ATP13A5: variants seen among roughly 807,000 people sequenced by gnomAD.
The protein encoded by ATP13A5 is ATPase 13A5.
In ATP13A5, 149 loss-of-function variants were observed where a neutral mutation model predicts 150.2. The observed-to-expected ratio is 0.99, with a 90% confidence interval of 0.87 to 1.14. ATP13A5 has a LOEUF of 1.14. Ranked by LOEUF, ATP13A5 falls within the 50% of genes most tolerant of loss-of-function variation. The pLI, the probability that ATP13A5 is intolerant of heterozygous loss-of-function variation, is 0.00. For synonymous variants in ATP13A5, 497 were observed against 522.2 expected, an observed-to-expected ratio of 0.95 and a Z score of 0.66; for missense variants, 1,383 against 1,449.3, an observed-to-expected ratio of 0.95 and a Z score of 0.74.
intron 28 of ATP13A5, among the ~76,000 whole-genome samples, chr3:193,278,410 A>G (rs1717323844): frequency 6.6e-6 from 1 of 152,008 alleles, no homozygotes; most frequent in Admixed American, 6.5e-5. Flanking sequence ...CCATCCATCC[A>G]TGCCTGCCTT....
chr3:193,300,182 C>T (rs1392686506), intron 24 of ATP13A5, among the ~76,000 whole-genome samples: 1 of 152,142 alleles, frequency 6.6e-6, no homozygotes, highest in Non-Finnish European at 1.5e-5. Context: ...TTTCTCATAT[C>T]CTTTCCTCTT....
chr3:193,294,521 T>C lies in ATP13A5; in HGVS notation c.2849-4462A>G, dbSNP rs374435686. Among the ~76,000 whole-genome samples the C allele has an allele frequency of 4.6e-5, 7 of 152,128 alleles. No individual in the cohort carries two copies. In the East Asian group the frequency reaches 7.7e-4, roughly 17 times the overall value. On this transcript the variant is annotated intron_variant, in intron 25 of 29. Coordinates refer to ENST00000342358, the MANE Select transcript of ATP13A5 (RefSeq NM_198505.4). Reference sequence around the variant, plus strand: ...TTTAGATTTTCTCTGTAATGTATTATATTTTGTCTCTGTACATTGCCTTAA... The same window carrying C: ...TTTAGATTTTCTCTGTAATGTATTACATTTTGTCTCTGTACATTGCCTTAA...
chr3:193,351,011 GCTTTACTT>G (rs1157586774), intron 7 of ATP13A5, 48 bp downstream of exon 7: 14 of 1,591,030 alleles, frequency 8.8e-6, no homozygotes, highest in Non-Finnish European at 1.2e-5. Flanking sequence ...AATACCATGG[GCTTTACTT>G]CTTTAGCTAG....
At chr3:193,366,800 T>C (rs1713255919) in intron 1 of ATP13A5, among the ~76,000 whole-genome samples, 2 of 152,014 alleles carry the variant, frequency 1.3e-5, no homozygotes, top group Non-Finnish European at 1.5e-5. Context: ...TCAAATAGTT[T>C]TCAAGTACAC....
At chr3:193,331,375 T>C in intron 11 of ATP13A5, 64 bp from the exon 12 acceptor site, 1 of 1,471,176 alleles carries the variant, frequency 6.8e-7, no homozygotes, top group Non-Finnish European at 9.2e-7. Flanking sequence ...CCCTTCCTAG[T>C]GCCAAAGGAA....
At chr3:193,362,316 T>C (rs1713042506) in intron 5 of ATP13A5, 65 bp downstream of exon 5, 1 of 1,389,638 alleles carries the variant, frequency 7.2e-7, no homozygotes, top group African/African-American at 1.4e-5. Flanking sequence ...GCACTGATGA[T>C]AACTGATTTG....
chr3:193,312,442 T>C (rs1343811344), intron 19 of ATP13A5, among the ~76,000 whole-genome samples: 1 of 152,176 alleles, frequency 6.6e-6, no homozygotes, highest in African/African-American at 2.4e-5. Context: ...CAGGTATCTC[T>C]TTCTATCATG....
Position 193,331,126 on chromosome 3 carries a change from G to C in ATP13A5, c.1458C>G (p.Asp486Glu). 1 of 1,613,390 alleles carries C rather than the reference G, an allele frequency of 6.2e-7. No homozygotes were observed. The highest frequency in any genetic ancestry group is 8.5e-7 in the Non-Finnish European group (1 of 1,179,586). ...ACCTGAGAAGTCTGGATCATACTTT[G>C]TCAAAGCACACGAGGTTTATTTGCC... ...MCGQINLVCF[D>E]KTGTLTEDGL... Residue 486 changes from aspartate to glutamate, a missense_variant, in exon 12 of 30, where the codon GAC becomes GAG. Asp to Glu is a conservative substitution (Grantham distance 45, BLOSUM62 2). This residue lies in a region of ATP13A5 where 787 missense variants were observed against 771.9 expected (regional missense o/e 1.02). Transcript: ENST00000342358.
At chr3:193,340,601 GAGA>G (rs1236389572) in intron 9 of ATP13A5, among the ~76,000 whole-genome samples, 3 of 152,128 alleles carry the variant, frequency 2.0e-5, no homozygotes, top group African/African-American at 7.2e-5. Flanking sequence ...GCTTAATGAA[GAGA>G]AGAAGAGGGA....
In ATP13A5 at chr3:193,311,959, T is replaced by C. The variant is rs1416197338; in HGVS notation, c.2320-18A>G. ...TAGATTTCCTAAAATCAAAAGGGCA[T>C]CATTTCTACATTGACTCCTAAGGAG... On this transcript the variant is annotated intron_variant, in intron 19 of 29. Coordinates refer to ENST00000342358, the MANE Select transcript of ATP13A5 (RefSeq NM_198505.4). 1 of 1,612,978 alleles carries C rather than the reference T, an allele frequency of 6.2e-7. No homozygotes were observed. Among genetic ancestry groups the C allele is most frequent in the Non-Finnish European group, 8.5e-7 (1 of 1,179,452 alleles).
intron 23 of ATP13A5, among the ~76,000 whole-genome samples, chr3:193,304,015 T>C (rs1428301481): frequency 1.3e-5 from 2 of 152,026 alleles, no homozygotes; most frequent in South Asian, 4.2e-4. Flanking sequence ...ATGAGTTGTA[T>C]TGACAATGGA....
At chr3:193,298,587 C>A (rs1445643990) in intron 25 of ATP13A5, among the ~76,000 whole-genome samples, 1 of 152,096 alleles carries the variant, frequency 6.6e-6, no homozygotes, top group Non-Finnish European at 1.5e-5. Flanking sequence ...AGGCAGTCAC[C>A]TTTATCACTT....
At chr3:193,311,512 G>A (rs949321530) in intron 20 of ATP13A5, among the ~76,000 whole-genome samples, 4 of 152,144 alleles carry the variant, frequency 2.6e-5, no homozygotes, top group Non-Finnish European at 5.9e-5. Flanking sequence ...CTCAAAACAA[G>A]CACCGTGTTT....
chr3:193,333,701 G>C lies in ATP13A5; in HGVS notation c.1272+49C>G, dbSNP rs370400622. 16 of 1,556,288 alleles carry C rather than the reference G, an allele frequency of 1.0e-5. No individual in the cohort carries two copies. In the African/African-American group the frequency reaches 2.2e-4, roughly 21 times the overall value. On this transcript the variant is annotated intron_variant, in intron 11 of 29. Coordinates refer to ENST00000342358, the MANE Select transcript of ATP13A5 (RefSeq NM_198505.4). Reference sequence around the variant, plus strand: ...AAACCAATCCTCTGAGTTAGGTCAAGCTCTTTGCAGAATCTATACTATTGA... The same window carrying C: ...AAACCAATCCTCTGAGTTAGGTCAACCTCTTTGCAGAATCTATACTATTGA...
chr3:193,287,824 G>A (rs1270760408), intron 26 of ATP13A5, among the ~76,000 whole-genome samples: 2 of 151,978 alleles, frequency 1.3e-5, no homozygotes, highest in Admixed American at 1.3e-4. Flanking sequence ...ATTGGATCTG[G>A]GCAAAGAAAA....
intron 9 of ATP13A5, among the ~76,000 whole-genome samples, chr3:193,341,537 C>T (rs1712128096): frequency 6.6e-6 from 1 of 152,148 alleles, no homozygotes; most frequent in African/African-American, 2.4e-5. Flanking sequence ...ACAGCGCGAA[C>T]AGCACCAGGA....
chr3:193,311,720 G>A (rs1718855811), intron 20 of ATP13A5, 96 bp downstream of exon 20: 3 of 1,516,226 alleles, frequency 2.0e-6, no homozygotes, highest in East Asian at 4.6e-5. Context: ...CTAACTGTGA[G>A]GCAACCTCAG....
At chr3:193,300,064 C>T (rs756762449) in intron 24 of ATP13A5, among the ~76,000 whole-genome samples, 4 of 152,132 alleles carry the variant, frequency 2.6e-5, no homozygotes, top group African/African-American at 4.8e-5. Flanking sequence ...TACCTCCATC[C>T]GTGGAGGCTT....
At chr3:193,313,927 G>A in intron 19 of ATP13A5, 106 bp downstream of exon 19, 1 of 1,279,684 alleles carries the variant, frequency 7.8e-7, no homozygotes. Context: ...ACAGATGTGA[G>A]GGATTATTAC....
Sources: allele counts gnomAD v4.1 joint callset (sites outside exome capture counted in the v4.1 genomes callset), GRCh38; gene constraint gnomAD v4.1.1; regional missense constraint gnomAD v4.1.1; transcripts MANE v1.5; gene names NCBI Gene and HGNC (gene_info 2026-07-23, HGNC 2026-07-21).